The following MIDEAS variants were observed in gnomAD, a reference collection of about 807,000 sequenced individuals.
MIDEAS encodes the protein mitotic deacetylase associated SANT domain protein.
MIDEAS carries 26 observed loss-of-function variants against 102.7 expected under a neutral mutation model. That is an observed-to-expected ratio of 0.25 (90% CI 0.19 to 0.35). The LOEUF is 0.35. Ranked by LOEUF, MIDEAS falls within the 10% of genes least tolerant of loss-of-function variation. The pLI is 1.00. For missense variants in MIDEAS, 1,231 were observed against 1,435.6 expected, an observed-to-expected ratio of 0.86 and a Z score of 2.30; for synonymous variants, 585 against 591.0, an observed-to-expected ratio of 0.99 and a Z score of 0.15.
intron 1 of MIDEAS, among the ~76,000 whole-genome samples, chr14:73,778,647 T>C (rs2053714801): frequency 6.6e-6 from 1 of 151,870 alleles, no homozygotes; most frequent in Admixed American, 6.6e-5. Context: ...TGCAAGCTTC[T>C]TATAGTGGCC....
In MIDEAS at chr14:73,718,889, T is replaced by C. The variant is rs1196008064; in HGVS notation, c.3254A>G (p.His1085Arg). The C allele has an allele frequency of 6.6e-7, 1 of 1,518,262 alleles. No individual in the cohort carries two copies. The highest frequency in any genetic ancestry group is 2.5e-5 in the East Asian group (1 of 40,054). The allele number at this position is 1,518,262 out of a possible 1,614,324, so 94.0% of individuals were successfully genotyped here. A position where few individuals can be genotyped will look rare whatever the true frequency, so the allele number is the denominator to read the frequency against. ...GCTCTCCTCCCGCAGGGCCTGCTGG[T>C]GGGCGGCGGCGGCGGCAGCAGCGGC... ...KEAAAAAAAAHQQALREESGA... is the reference protein window; with the variant it reads ...KEAAAAAAAARQQALREESGA... Residue 1085 changes from histidine to arginine, a missense_variant, in exon 13 of 13, where the codon CAC becomes CGC. His to Arg is a conservative substitution (Grantham distance 29). This residue lies in a region of MIDEAS where 71 missense variants were observed against 51.9 expected (regional missense o/e 1.37). Transcript: ENST00000423556.
In MIDEAS at chr14:73,716,192, T is replaced by C. The variant is rs577956727; in HGVS notation, c.*2651A>G. On this transcript the variant is annotated 3_prime_UTR_variant, in exon 13 of 13. Transcript: ENST00000423556. ...AGCTTCTATAGCTGCACCTGCTTTA[T>C]TGGCAGGTCACTTGCCACAATTGCA... The C allele has an allele frequency of 5.9e-5, 9 of 152,682 alleles. No homozygotes were observed. Among genetic ancestry groups the C allele is most frequent in the Admixed American group, 1.3e-4 (2 of 15,302 alleles). The allele number at this position is 152,682 out of a possible 1,614,324, so 9.5% of individuals were successfully genotyped here.
At chr14:73,756,484 C>T (rs981268593) in intron 1 of MIDEAS, among the ~76,000 whole-genome samples, 3 of 152,184 alleles carry the variant, frequency 2.0e-5, no homozygotes, top group Non-Finnish European at 4.4e-5. Flanking sequence ...GCCTACTCCA[C>T]CCTAGCCCCG....
In MIDEAS at chr14:73,719,129, C is replaced by T; in HGVS notation, c.3135-121G>A. ...ACGCTGCACAGCCGCGGCCGGCCAG[C>T]TCGCGTCATTTTCCGAAAGCTGCCC... On this transcript the variant is annotated intron_variant, in intron 12 of 12. Transcript: ENST00000423556. 2.7e-6 allele frequency: 4 copies of T among 1,462,306 alleles called. 1 individual carries two copies. In the South Asian group the frequency reaches 4.3e-5, roughly 16 times the overall value. The allele number at this position is 1,462,306 out of a possible 1,614,324, so 90.6% of individuals were successfully genotyped here. A position where few individuals can be genotyped will look rare whatever the true frequency, so the allele number is the denominator to read the frequency against.
rs2053112660 is a variant in MIDEAS, at chr14:73,729,748, C to T, written c.1987G>A (p.Val663Met). 6.2e-7 allele frequency: 1 copy of T among 1,614,066 alleles called. No homozygotes were observed. Among genetic ancestry groups the T allele is most frequent in the African/African-American group, 1.3e-5 (1 of 75,064 alleles). The change falls in exon 4 of 13, where the codon GTG (valine) becomes ATG (methionine). Residue 663 changes from valine (V) to methionine (M), a missense_variant. By Grantham distance (21) the Val-to-Met change is conservative (BLOSUM62 1). Coordinates refer to ENST00000423556, the MANE Select transcript of MIDEAS (RefSeq NM_001367710.1). ...PYTPPPILSP[V>M]REGSGLYFNA... ...AAGTAGAGGCCAGAGCCTTCCCGCA[C>T]AGGGCTGAGGATGGGGGGCGGCGTG...
intron 3 of MIDEAS, among the ~76,000 whole-genome samples, chr14:73,733,008 C>T (rs2053159026): frequency 1.3e-5 from 2 of 152,000 alleles, no homozygotes; most frequent in African/African-American, 4.8e-5. Context: ...AGGAGAATTG[C>T]TTGAACCCAG....
intron 1 of MIDEAS, among the ~76,000 whole-genome samples, chr14:73,772,046 G>A (rs567936851): frequency 3.9e-5 from 6 of 152,324 alleles, no homozygotes; most frequent in Non-Finnish European, 5.9e-5. Flanking sequence ...TGTGAAAATC[G>A]TCTGGGGCCC....
chr14:73,736,935 T>C lies in MIDEAS; in HGVS notation c.1749+63A>G, dbSNP rs73297480. The C allele has an allele frequency of 5.7e-3, 8,534 of 1,504,084 alleles. 331 individuals carry two copies. In the African/African-American group the frequency reaches 0.091, roughly 16 times the overall value. The allele number at this position is 1,504,084 out of a possible 1,614,324, so 93.2% of individuals were successfully genotyped here. On this transcript the variant is annotated intron_variant, in intron 3 of 12. Coordinates refer to ENST00000423556, the MANE Select transcript of MIDEAS (RefSeq NM_001367710.1). ...ACATTGCCATGTTCTCCTTTCCCCATAGGGTCCTGGGCCCCCTGAGCACTC... is the reference window on the plus strand; with the variant it reads ...ACATTGCCATGTTCTCCTTTCCCCACAGGGTCCTGGGCCCCCTGAGCACTC...
chr14:73,770,665 C>G (rs1239751585), intron 1 of MIDEAS, among the ~76,000 whole-genome samples: 1 of 152,182 alleles, frequency 6.6e-6, no homozygotes, highest in African/African-American at 2.4e-5. Flanking sequence ...ACTATGACTG[C>G]TGCATTTGGG....
chr14:73,732,005 G>C (rs1408157525), intron 3 of MIDEAS, among the ~76,000 whole-genome samples: 1 of 152,232 alleles, frequency 6.6e-6, no homozygotes, highest in Admixed American at 6.5e-5. Context: ...TCTAGGGCTA[G>C]CTCTACCATT....
intron 1 of MIDEAS, among the ~76,000 whole-genome samples, chr14:73,781,073 A>G (rs1385996024): frequency 1.3e-5 from 2 of 152,198 alleles, no homozygotes; most frequent in African/African-American, 4.8e-5. Flanking sequence ...CTAATTATCA[A>G]TGCAGGATGG....
Position 73,722,785 on chromosome 14 carries a change from T to A in MIDEAS, c.2637A>T (p.Lys879Asn). ...AGGTTAGAGTCCCATTGCGGCCGAT[T>A]TTCACCTGCTTCTTGTAGGTGTAGT... ...EFYYTYKKQVKIGRNGTLTFG... is the reference protein window; with the variant it reads ...EFYYTYKKQVNIGRNGTLTFG... Residue 879 changes from lysine (K) to asparagine (N), a missense_variant, in exon 10 of 13, where the codon AAA (lysine) becomes AAT (asparagine). Physicochemically the swap from Lys to Asn is moderately conservative, Grantham distance 94 (BLOSUM62 0). Around this residue, in one of 5 missense-constraint regions of MIDEAS, gnomAD observed 391 missense variants for 483.0 expected, o/e 0.81. Coordinates refer to ENST00000423556, the MANE Select transcript of MIDEAS (RefSeq NM_001367710.1). 6.2e-7 allele frequency: 1 copy of A among 1,614,170 alleles called. No homozygotes were observed. The highest frequency in any genetic ancestry group is 8.5e-7 in the Non-Finnish European group (1 of 1,180,018).
rs1256948989 is a variant in MIDEAS at position 73,759,044 on chromosome 14, C to T, written c.-248+719G>A. Among the ~76,000 whole-genome samples the T allele has an allele frequency of 1.3e-5, 2 of 152,148 alleles. No homozygotes were observed. The highest frequency in any genetic ancestry group is 2.9e-5 in the Non-Finnish European group (2 of 68,012). On this transcript the variant is annotated intron_variant, in intron 1 of 12. Transcript: ENST00000423556. The surrounding 1 kb of genome is among the most constrained non-coding windows in gnomAD (Gnocchi z 6.7). ...ACACAGCTCCCCGCGAGGCACCGCGCGGGCTGGGAGGGCTGCGGCGGCGCG... is the reference window on the plus strand; with the variant it reads ...ACACAGCTCCCCGCGAGGCACCGCGTGGGCTGGGAGGGCTGCGGCGGCGCG...
intron 1 of MIDEAS, among the ~76,000 whole-genome samples, chr14:73,754,134 CT>C (rs2053454027): frequency 6.6e-6 from 1 of 152,204 alleles, no homozygotes; most frequent in Non-Finnish European, 1.5e-5. Flanking sequence ...TTTGGCGCCT[CT>C]TCTGCCCAAA....
At chr14:73,763,316 T>A (rs184617051), upstream of MIDEAS, among the ~76,000 whole-genome samples, 296 of 152,196 alleles carry the variant, frequency 1.9e-3, no homozygotes, top group African/African-American at 6.8e-3. Flanking sequence ...CCATCCTGGG[T>A]GACAGGGTGA....
intron 4 of MIDEAS, among the ~76,000 whole-genome samples, chr14:73,729,361 A>T (rs1321942063): frequency 1.3e-5 from 2 of 152,226 alleles, no homozygotes; most frequent in Non-Finnish European, 2.9e-5. Flanking sequence ...CCCCATCTTA[A>T]TACTGAAAAA....
At chr14:73,719,538 A>C (rs762764968) in intron 11 of MIDEAS, 37 bp from the exon 12 acceptor site, 1 of 1,590,438 alleles carries the variant, frequency 6.3e-7, no homozygotes, top group South Asian at 1.1e-5. Context: ...GAGTGATCTG[A>C]GCAAGCGCAG....
At chr14:73,730,893 G>A (rs2140109307) in intron 3 of MIDEAS, among the ~76,000 whole-genome samples, 1 of 152,312 alleles carries the variant, frequency 6.6e-6, no homozygotes, top group Admixed American at 6.5e-5. Context: ...GGGAGGTGGA[G>A]GTTGCAGTGA....
Position 73,727,544 on chromosome 14 carries a change from T to C in MIDEAS, c.2096-20A>G, listed in dbSNP as rs1375706439. The C allele has an allele frequency of 2.5e-6, 4 of 1,589,772 alleles. No homozygotes were observed. The highest frequency in any genetic ancestry group is 2.7e-5 in the African/African-American group (2 of 74,078). ...CACTGTCTATGGGACAAAGAGCAGG[T>C]TGATAAATAGCACCCCCCTTTCAGC... On this transcript the variant is annotated intron_variant, in intron 4 of 12. Transcript: ENST00000423556.
Sources: gnomAD v4.1 joint callset for allele counts (sites outside exome capture counted in the v4.1 genomes callset) on GRCh38, gnomAD v4.1.1 for gene constraint, gnomAD v4.1.1 regional missense constraint, Gnocchi (gnomAD v3.1) non-coding constraint, MANE v1.5 for transcripts, NCBI Gene and HGNC (gene_info 2026-07-23, HGNC 2026-07-21) for gene names.